CECR2: variants seen among roughly 807,000 people sequenced by gnomAD.
CECR2 encodes the protein chromatin remodeling regulator CECR2.
CECR2 carries 30 observed loss-of-function variants against 154.5 expected under a neutral mutation model. The ratio of observed to expected loss-of-function variants is 0.19; its 90% CI spans 0.15 to 0.26. The LOEUF (loss-of-function observed/expected upper bound fraction) is 0.26, where lower values mean the gene tolerates loss of function less well. CECR2 is among the 10% of genes least tolerant of loss of function. The pLI is 1.00. For missense variants in CECR2, 1,743 were observed against 1,829.3 expected, an observed-to-expected ratio of 0.95 and a Z score of 0.86; for synonymous variants, 725 against 683.7, an observed-to-expected ratio of 1.06 and a Z score of -0.94.
At chr22:17,525,092 T>A (rs781410744) in intron 9 of CECR2, among the ~76,000 whole-genome samples, 55 of 147,878 alleles carry the variant, frequency 3.7e-4, no homozygotes, top group Non-Finnish European at 5.8e-4. Flanking sequence ...GAGACCAGCC[T>A]GACCAACATG....
chr22:17,361,671 G>T (rs534451535), intron 1 of CECR2, among the ~76,000 whole-genome samples: 69 of 151,596 alleles, frequency 4.6e-4, no homozygotes, highest in African/African-American at 1.6e-3. Flanking sequence ...CCCGGGGGCT[G>T]GGGGGAGGTT....
intron 1 of CECR2, among the ~76,000 whole-genome samples, chr22:17,434,676 C>G (rs1396252842): frequency 6.7e-6 from 1 of 149,134 alleles, no homozygotes; most frequent in African/African-American, 2.5e-5. Flanking sequence ...GCTAAGCTGT[C>G]ACTCCTGTCT....
At chr22:17,507,112 C>G (rs1231513960) in intron 7 of CECR2, among the ~76,000 whole-genome samples, 1 of 152,168 alleles carries the variant, frequency 6.6e-6, no homozygotes. Flanking sequence ...TAAATCATCA[C>G]TGCAGTACCT....
rs1447014914 is a variant in CECR2 at position 17,531,531 on chromosome 22, G to A, written c.1109-5572G>A. Among the ~76,000 whole-genome samples, 3 of 152,298 alleles carry A rather than the reference G, an allele frequency of 2.0e-5. No individual in the cohort carries two copies. In the East Asian group the frequency reaches 5.8e-4, roughly 29 times the overall value. ...AAAGCAGAACATGAAAATTGGATTT[G>A]CAACCATCAGAAAAGGCTTCATAAC... is the stretch of plus-strand genomic sequence containing the variant. On this transcript the variant is annotated intron_variant, in intron 9 of 18. Transcript: ENST00000262608.
upstream of CECR2, among the ~76,000 whole-genome samples, chr22:17,369,158 G>C (rs956827886): frequency 4.6e-5 from 7 of 151,796 alleles, no homozygotes; most frequent in African/African-American, 1.7e-4. Context: ...CAGGCCAAGT[G>C]GGGGTGGGAG....
At chr22:17,483,078 C>T (rs2055357078) in intron 2 of CECR2, among the ~76,000 whole-genome samples, 1 of 152,188 alleles carries the variant, frequency 6.6e-6, no homozygotes, top group Non-Finnish European at 1.5e-5. Flanking sequence ...GATGACAGCA[C>T]CGTGCATGTT....
Position 17,548,548 on chromosome 22 carries a change from G to A in CECR2, c.3261G>A (p.Leu1087=). Residue 1087 remains leucine, a synonymous_variant, in exon 17 of 19, where the codon TTG becomes TTA. Coordinates refer to ENST00000262608, the MANE Select transcript of CECR2 (RefSeq NM_001290047.2). The part of the protein sequence containing the change: ...EKLLCPRGRT[L]QETMPCTGQN... The stretch of plus-strand genomic sequence containing the variant: ...TGCTCTGCCCCAGAGGCAGAACGTT[G>A]CAGGAAACCATGCCATGCACGGGAC... 1 of 1,613,788 alleles carries A rather than the reference G, an allele frequency of 6.2e-7. No homozygotes were observed. Among genetic ancestry groups the A allele is most frequent in the Non-Finnish European group, 8.5e-7 (1 of 1,179,808 alleles).
At chr22:17,368,509 A>C (rs2063016072), upstream of CECR2, among the ~76,000 whole-genome samples, 1 of 152,000 alleles carries the variant, frequency 6.6e-6, no homozygotes, top group Non-Finnish European at 1.5e-5. Context: ...TTTTTTTCTT[A>C]GGATTTAGCA....
chr22:17,437,847 G>A (rs143978774), intron 1 of CECR2, among the ~76,000 whole-genome samples: 2 of 152,218 alleles, frequency 1.3e-5, no homozygotes, highest in Non-Finnish European at 2.9e-5. Flanking sequence ...AATTTCCTTC[G>A]ACTTCAAGGA....
chr22:17,511,663 G>A, intron 7 of CECR2, 150 bp from the exon 8 acceptor site: 1 of 544,442 alleles, frequency 1.8e-6, no homozygotes, highest in East Asian at 2.9e-5. Context: ...CAGCTGAGCA[G>A]TGGTTCCTGA....
intron 2 of CECR2, among the ~76,000 whole-genome samples, chr22:17,478,456 C>T (rs759961973): frequency 1.2e-4 from 18 of 150,198 alleles, no homozygotes; most frequent in Middle Eastern, 3.5e-3. Context: ...CCCAGGTTCA[C>T]GCCATTCTCC....
intron 1 of CECR2, among the ~76,000 whole-genome samples, chr22:17,436,249 C>T (rs780947764): frequency 7.2e-5 from 11 of 152,342 alleles, no homozygotes; most frequent in Non-Finnish European, 1.5e-4. Flanking sequence ...TGAGCCACTG[C>T]ACCCGGCCTT....
intron 1 of CECR2, among the ~76,000 whole-genome samples, chr22:17,448,223 C>CTGGTTGG (rs2054708743): frequency 2.0e-5 from 3 of 152,140 alleles, no homozygotes. Flanking sequence ...GTGTACTACA[C>CTGGTTGG]ATCCATGACT....
chr22:17,370,875 C>T (rs572469532), intron 1 of CECR2, among the ~76,000 whole-genome samples: 5 of 152,316 alleles, frequency 3.3e-5, no homozygotes, highest in Admixed American at 3.3e-4. Context: ...GAATTGCCTT[C>T]TCTTCTATGG....
rs745907542 is a variant in CECR2, at chr22:17,538,545, G to T, written c.1264G>T (p.Ala422Ser). The part of the protein sequence containing the change: ...DLFELDDDFT[A>S]MYKVLDVVKA... ...CTTTGAGTTGGATGATGATTTCACT[G>T]CTATGTATAAAGGTTAGTTCCCATT... Residue 422 changes from alanine to serine, a missense_variant, in exon 11 of 19, where the codon GCT becomes TCT. Ala to Ser is a moderately conservative substitution (Grantham distance 99). This residue lies in a region of CECR2 where 292 missense variants were observed against 301.2 expected (regional missense o/e 0.97). Coordinates refer to ENST00000262608, the MANE Select transcript of CECR2 (RefSeq NM_001290047.2). 15 of 1,613,740 alleles carry T rather than the reference G, an allele frequency of 9.3e-6. No individual in the cohort carries two copies. The South Asian group carries it at 1.6e-4, about 18-fold the overall frequency.
Position 17,499,502 on chromosome 22 carries a change from A to G in CECR2, c.498A>G (p.Lys166=). ...ATTTCTATGGAACACGAATGTACAA[A>G]GAGGACCCGGTGCAAGGAAAATCCA... ...YWYFYGTRMY[K]EDPVQGKSNG... is the part of the protein sequence containing the mutation. Residue 166 remains lysine, a synonymous_variant, in exon 4 of 19, where the codon AAA becomes AAG. Transcript: ENST00000262608. The G allele has an allele frequency of 6.2e-7, 1 of 1,613,782 alleles. No homozygotes were observed. Among genetic ancestry groups the G allele is most frequent in the East Asian group, 2.2e-5 (1 of 44,884 alleles).
At chr22:17,411,088 T>C (rs1222891144) in intron 1 of CECR2, among the ~76,000 whole-genome samples, 1 of 152,242 alleles carries the variant, frequency 6.6e-6, no homozygotes, top group Non-Finnish European at 1.5e-5. Flanking sequence ...TTTTATCAGT[T>C]GGATTCTAAA....
At chr22:17,518,726 A>T (rs2056104368) in intron 8 of CECR2, 1 of 410,782 alleles carries the variant, frequency 2.4e-6, no homozygotes, top group Non-Finnish European at 4.8e-6. Context: ...GCACAGCAGG[A>T]TCCTGCTCCC....
chr22:17,445,593 T>G (rs2401119), intron 1 of CECR2, among the ~76,000 whole-genome samples: 44,738 of 146,766 alleles, frequency 0.3, 9,714 homozygotes, highest in African/African-American at 0.58. Flanking sequence ...TTATTATTAT[T>G]TGAGGCAGAG....
Sources: allele counts gnomAD v4.1 joint callset (sites outside exome capture counted in the v4.1 genomes callset), GRCh38; gene constraint gnomAD v4.1.1; regional missense constraint gnomAD v4.1.1; transcripts MANE v1.5; gene names NCBI Gene and HGNC (gene_info 2026-07-23, HGNC 2026-07-21).